The following PCDHGA8 variants were observed in gnomAD, a reference collection of about 807,000 sequenced individuals.
PCDHGA8 encodes protocadherin gamma subfamily A, 8.
A neutral mutation model predicts 59.2 loss-of-function variants in PCDHGA8; 45 were observed. The ratio of observed to expected loss-of-function variants is 0.76; its 90% CI spans 0.60 to 0.98. PCDHGA8 has a LOEUF of 0.98. Among genes scored for constraint, PCDHGA8 ranks in the 50% least tolerant of loss-of-function variants. The pLI is 0.00. For missense variants in PCDHGA8, 1,257 were observed against 1,196.2 expected, an observed-to-expected ratio of 1.05 and a Z score of -0.75; for synonymous variants, 531 against 519.0, an observed-to-expected ratio of 1.02 and a Z score of -0.32.
chr5:141,479,329 G>A (rs2099493017), intron 1 of PCDHGA8: 1 of 152,490 alleles, frequency 6.6e-6, no homozygotes, highest in African/African-American at 2.4e-5. Context: ...AGACTCAGTG[G>A]TGTGCACCTG....
intron 1 of PCDHGA8, chr5:141,408,821 T>C (rs774934223): frequency 1.4e-5 from 23 of 1,613,250 alleles, no homozygotes; most frequent in African/African-American, 2.7e-5. Flanking sequence ...AGAACAGAGA[T>C]CTCATAGCTT....
rs1179529074 is a variant in PCDHGA8, at chr5:141,394,657, G to A, written c.1844G>A (p.Gly615Glu). Reference protein sequence around the residue: ...SYRLLKASEPGLFSVGLHTGE... With the variant: ...SYRLLKASEPELFSVGLHTGE... Reference sequence around the variant, plus strand: ...CGCCTGCTCAAGGCCAGCGAGCCGGGACTCTTCTCGGTGGGTCTGCACACG... The same window carrying A: ...CGCCTGCTCAAGGCCAGCGAGCCGGAACTCTTCTCGGTGGGTCTGCACACG... The change falls in exon 1 of 4, where the codon GGA becomes GAA. Residue 615 changes from glycine to glutamate, a missense_variant. Transcript: ENST00000398604. The A allele has an allele frequency of 1.2e-6, 2 of 1,613,220 alleles. No individual in the cohort carries two copies. Among genetic ancestry groups the A allele is most frequent in the East Asian group, 2.2e-5 (1 of 44,866 alleles).
At chr5:141,453,521 T>A (rs1311886024) in intron 1 of PCDHGA8, among the ~76,000 whole-genome samples, 2 of 152,148 alleles carry the variant, frequency 1.3e-5, no homozygotes, top group Non-Finnish European at 2.9e-5. Flanking sequence ...TCCTCCCCTA[T>A]ACCTTCTGCC....
At chr5:141,404,072 C>T (rs779657331) in intron 1 of PCDHGA8, 1 of 1,613,626 alleles carries the variant, frequency 6.2e-7, no homozygotes, top group Non-Finnish European at 8.5e-7. Flanking sequence ...TGCTCATGAC[C>T]GAGACTCCGG....
intron 1 of PCDHGA8, chr5:141,405,487 T>G (rs750718741): frequency 4.3e-6 from 4 of 924,990 alleles, no homozygotes; most frequent in Non-Finnish European, 6.4e-6. Context: ...TGGTGTGATC[T>G]CGGCTCATTG....
In PCDHGA8 at chr5:141,499,962, A is replaced by G. The variant is rs147527188; in HGVS notation, c.2483+5097A>G. Among the ~76,000 whole-genome samples the G allele has an allele frequency of 3.7e-3, 563 of 152,178 alleles. 5 individuals are homozygous for G. Among genetic ancestry groups the G allele is most frequent in the Admixed American group, 0.011 (164 of 15,288 alleles). On this transcript the variant is annotated intron_variant, in intron 2 of 3. Coordinates refer to ENST00000398604, the MANE Select transcript of PCDHGA8 (RefSeq NM_032088.2). ...CTCGGCCTCCCAAAATGTTGGGATT[A>G]CAGGTGTGAGCCACCTTGCCCGGCC...
Position 141,427,950 on chromosome 5 carries a change from A to C in PCDHGA8, c.2424+32713A>C, listed in dbSNP as rs773336611. The stretch of plus-strand genomic sequence containing the variant: ...CATGTTGGTGGGCGACCTCAATGAC[A>C]ATGTGCCGCGGGTGCTGTACCCCGC... On this transcript the variant is annotated intron_variant, in intron 1 of 3. Transcript: ENST00000398604. 7 of 1,586,816 alleles carry C rather than the reference A, an allele frequency of 4.4e-6. No individual in the cohort carries two copies. The African/African-American group carries it at 8.1e-5, about 18-fold the overall frequency.
intron 1 of PCDHGA8, chr5:141,400,182 G>C (rs754765633): frequency 3.7e-6 from 6 of 1,614,072 alleles, no homozygotes; most frequent in Non-Finnish European, 5.1e-6. Flanking sequence ...CTGAGCTGCA[G>C]TTTTACCTAG....
Position 141,489,829 on chromosome 5 carries a change from G to T in PCDHGA8, c.2425-4978G>T, listed in dbSNP as rs1445416879. 6.2e-7 allele frequency: 1 copy of T among 1,614,076 alleles called. No individual in the cohort carries two copies. Among genetic ancestry groups the T allele is most frequent in the South Asian group, 1.1e-5 (1 of 91,070 alleles). ...GAAGCCATTCCCAGAGCTGGTGCTA[G>T]AGCAGCAGCTGGATCGTGAAGCCCA... On this transcript the variant is annotated intron_variant, in intron 1 of 3. Coordinates refer to ENST00000398604, the MANE Select transcript of PCDHGA8 (RefSeq NM_032088.2). The surrounding 1 kb of genome is among the most constrained non-coding windows in gnomAD (Gnocchi z 4.5).
intron 1 of PCDHGA8, chr5:141,408,241 G>A: frequency 1.3e-6 from 2 of 1,580,050 alleles, no homozygotes; most frequent in Non-Finnish European, 1.7e-6. Flanking sequence ...GGGCCGGCCC[G>A]CGGCAGGTGC....
chr5:141,413,914 A>G (rs776089620), intron 1 of PCDHGA8: 13 of 1,613,234 alleles, frequency 8.1e-6, no homozygotes. Flanking sequence ...GCCGGTCTTC[A>G]CCTTGCCAGA....
rs539038497 is a variant in PCDHGA8 at position 141,420,464 on chromosome 5, C to T, written c.2424+25227C>T. 2.0e-4 allele frequency: 164 copies of T among 801,490 alleles called. 1 individual carries two copies. In the South Asian group the frequency reaches 6.4e-3, roughly 31 times the overall value. 49.6% of individuals were successfully genotyped at this position (801,490 alleles called of 1,614,324 possible). ...CCTCAGTCTTCCTACTATTCAAAGA[C>T]ATTTTAAAGCAAACTACATGGGTAA... On this transcript the variant is annotated intron_variant, in intron 1 of 3. Transcript: ENST00000398604.
chr5:141,433,878 T>C (rs774226497), intron 1 of PCDHGA8, among the ~76,000 whole-genome samples: 15 of 151,848 alleles, frequency 9.9e-5, no homozygotes, highest in Non-Finnish European at 1.5e-4. Flanking sequence ...GTTTCATCCA[T>C]TGATGACACT....
At chr5:141,499,127 A>G (rs1198571084) in intron 2 of PCDHGA8, among the ~76,000 whole-genome samples, 1 of 152,134 alleles carries the variant, frequency 6.6e-6, no homozygotes, top group Non-Finnish European at 1.5e-5. Flanking sequence ...TTCTCAGGTC[A>G]TCCTTTGGGT....
At position 141,431,056 on chromosome 5, in the gene PCDHGA8, C is replaced by T; in HGVS notation, c.2424+35819C>T. ...ACCGGGAGGAGCTCTGTATGGGGGC[C>T]ATCAAGTGTCAATTAAATCTAGACA... On this transcript the variant is annotated intron_variant, in intron 1 of 3. Transcript: ENST00000398604. The surrounding 1 kb of genome is among the most constrained non-coding windows in gnomAD (Gnocchi z 4.8). 1 of 1,614,126 alleles carries T rather than the reference C, an allele frequency of 6.2e-7. No homozygotes were observed. The highest frequency in any genetic ancestry group is 8.5e-7 in the Non-Finnish European group (1 of 1,180,000).
At chr5:141,405,231 C>T in intron 1 of PCDHGA8, 2 of 1,614,130 alleles carry the variant, frequency 1.2e-6, no homozygotes, top group Non-Finnish European at 1.7e-6. Flanking sequence ...TTCTCCCTCA[C>T]CGCTGACTCA....
At chr5:141,483,816 A>G (rs2099587505) in intron 1 of PCDHGA8, among the ~76,000 whole-genome samples, 1 of 152,172 alleles carries the variant, frequency 6.6e-6, no homozygotes, top group Admixed American at 6.5e-5. Context: ...TTTGGCAGCC[A>G]GTGTAACCTA....
intron 1 of PCDHGA8, chr5:141,414,866 C>T: frequency 6.2e-7 from 1 of 1,614,230 alleles, no homozygotes; most frequent in Non-Finnish European, 8.5e-7. Flanking sequence ...GACAATGCGC[C>T]CGAGATCCTG....
At chr5:141,505,852 G>A (rs2099848673) in intron 3 of PCDHGA8, among the ~76,000 whole-genome samples, 1 of 152,140 alleles carries the variant, frequency 6.6e-6, no homozygotes, top group African/African-American at 2.4e-5. Context: ...TAGAAAGTGG[G>A]GACAGGGACC....
Sources: gnomAD v4.1 joint callset for allele counts (sites outside exome capture counted in the v4.1 genomes callset) on GRCh38, gnomAD v4.1.1 for gene constraint, Gnocchi (gnomAD v3.1) non-coding constraint, MANE v1.5 for transcripts, NCBI Gene and HGNC (gene_info 2026-07-23, HGNC 2026-07-21) for gene names.